The following KCNH7 variants were observed in gnomAD, a reference collection of about 807,000 sequenced individuals.
The protein encoded by KCNH7 is voltage-gated inwardly rectifying potassium channel KCNH7.
Under a neutral mutation model 120.8 loss-of-function variants are expected in KCNH7, and 49 were observed. The observed-to-expected ratio is 0.41, with a 90% CI of 0.32 to 0.51. The LOEUF (loss-of-function observed/expected upper bound fraction) is 0.51. Among genes scored for constraint, KCNH7 ranks in the 20% least tolerant of loss-of-function variants. The probability of loss-of-function intolerance (pLI) is 0.38; values close to 1 mark genes in which losing one functional copy is unlikely to be tolerated. For missense variants in KCNH7, 1,097 were observed against 1,446.6 expected (o/e 0.76, Z 3.92); for synonymous variants, 547 against 516.1 (o/e 1.06, Z -0.81).
intron 9 of KCNH7, among the ~76,000 whole-genome samples, chr2:162,417,741 T>C (rs1687582562): frequency 6.6e-6 from 1 of 152,104 alleles, no homozygotes; most frequent in Admixed American, 6.6e-5. Flanking sequence ...TGTAAATAAG[T>C]CCTCCTTGAT....
Position 162,647,671 on chromosome 2 carries a change from C to T in KCNH7, c.308-110591G>A, listed in dbSNP as rs112016542. ...CTCTCTTGCCTGCCACCATTTAAGA[C>T]GTGACTTTGCTCCTCATTTGCCTTC... is the stretch of plus-strand genomic sequence containing the variant. On this transcript the variant is annotated intron_variant, in intron 2 of 15. Transcript: ENST00000332142. 9.9e-3 allele frequency among the ~76,000 whole-genome samples: 1,501 copies of T among 152,216 alleles called. 5 individuals are homozygous for T. Among genetic ancestry groups the T allele is most frequent in the Non-Finnish European group, 0.011 (777 of 67,998 alleles).
chr2:162,592,726 T>C (rs990669818), intron 2 of KCNH7, among the ~76,000 whole-genome samples: 1 of 152,074 alleles, frequency 6.6e-6, no homozygotes, highest in Admixed American at 6.6e-5. Flanking sequence ...TTAAAATAAA[T>C]ATATAGTTTT....
chr2:162,757,954 G>A (rs906566473), intron 2 of KCNH7, among the ~76,000 whole-genome samples: 1 of 152,094 alleles, frequency 6.6e-6, no homozygotes, highest in African/African-American at 2.4e-5. Context: ...CTGTACTTGG[G>A]CAGAACCAAA....
chr2:162,747,615 G>A (rs1280302341), intron 2 of KCNH7, among the ~76,000 whole-genome samples: 1 of 152,134 alleles, frequency 6.6e-6, no homozygotes, highest in Non-Finnish European at 1.5e-5. Flanking sequence ...TAGTTCAAGA[G>A]GGTATAAGAC....
At chr2:162,661,224 G>T (rs749160059) in intron 2 of KCNH7, among the ~76,000 whole-genome samples, 1 of 152,036 alleles carries the variant, frequency 6.6e-6, no homozygotes, top group Admixed American at 6.6e-5. Context: ...AACTCTTTGG[G>T]TCTTCACCTG....
intron 2 of KCNH7, among the ~76,000 whole-genome samples, chr2:162,833,182 T>C (rs1685538737): frequency 6.6e-6 from 1 of 152,142 alleles, no homozygotes; most frequent in Non-Finnish European, 1.5e-5. Flanking sequence ...GTCACATTTG[T>C]AAATATGCCT....
In KCNH7 at chr2:162,511,425, C is replaced by A. The variant is rs182493535; in HGVS notation, c.913+1229G>T. Among the ~76,000 whole-genome samples the A allele has an allele frequency of 1.4e-4, 20 of 148,118 alleles. No individual in the cohort carries two copies. In the Admixed American group the frequency reaches 1.4e-3, roughly 10 times the overall value. On this transcript the variant is annotated intron_variant, in intron 5 of 15. Transcript: ENST00000332142. The stretch of plus-strand genomic sequence containing the variant: ...CATTCTGAATTATGTCAATGCAAAC[C>A]ACCACACACAGTTGACACTAATTTG...
At chr2:162,410,664 C>A (rs1186517968) in intron 9 of KCNH7, among the ~76,000 whole-genome samples, 1 of 151,896 alleles carries the variant, frequency 6.6e-6, no homozygotes, top group Non-Finnish European at 1.5e-5. Context: ...AACAGAAAAC[C>A]TACAGAATGG....
chr2:162,624,335 CCA>C (rs1683468740), intron 2 of KCNH7, among the ~76,000 whole-genome samples: 1 of 152,118 alleles, frequency 6.6e-6, no homozygotes, highest in Non-Finnish European at 1.5e-5. Flanking sequence ...TCAGGCCTAT[CCA>C]CAGTTTCATG....
intron 8 of KCNH7, among the ~76,000 whole-genome samples, chr2:162,428,174 A>G (rs1453958930): frequency 6.6e-6 from 1 of 151,962 alleles, no homozygotes; most frequent in African/African-American, 2.4e-5. Flanking sequence ...TAGGTGCCCT[A>G]TACAAATTTT....
chr2:162,488,952 T>C (rs1228570388), intron 6 of KCNH7, among the ~76,000 whole-genome samples: 3 of 152,232 alleles, frequency 2.0e-5, no homozygotes, highest in Non-Finnish European at 2.9e-5. Flanking sequence ...GGATTTCATA[T>C]AGATATGTTA....
At chr2:162,452,368 A>T (rs748525238) in intron 6 of KCNH7, among the ~76,000 whole-genome samples, 1 of 152,138 alleles carries the variant, frequency 6.6e-6, no homozygotes, top group African/African-American at 2.4e-5. Context: ...GTTTACAAAC[A>T]TCATAGAGGC....
chr2:162,388,060 A>G (rs568861861), intron 12 of KCNH7, among the ~76,000 whole-genome samples: 52 of 151,804 alleles, frequency 3.4e-4, no homozygotes, highest in Non-Finnish European at 7.4e-4. Context: ...AAATTATTAC[A>G]TTGGAAAATT....
intron 2 of KCNH7, among the ~76,000 whole-genome samples, chr2:162,661,697 A>G (rs952200770): frequency 6.6e-6 from 1 of 152,136 alleles, no homozygotes; most frequent in African/African-American, 2.4e-5. Context: ...ATTTTAGGTA[A>G]TGAAAATATC....
At chr2:162,635,491 C>T (rs1189831837) in intron 2 of KCNH7, among the ~76,000 whole-genome samples, 4 of 151,988 alleles carry the variant, frequency 2.6e-5, no homozygotes. Flanking sequence ...CCTCAAGAAT[C>T]TATGTGTTTA....
intron 2 of KCNH7, among the ~76,000 whole-genome samples, chr2:162,635,922 T>A (rs1012706640): frequency 3.3e-5 from 5 of 152,072 alleles, no homozygotes; most frequent in African/African-American, 1.2e-4. Context: ...CTATCAAATA[T>A]GCCTCCTTAG....
At chr2:162,700,020 A>G (rs1686437884) in intron 2 of KCNH7, among the ~76,000 whole-genome samples, 1 of 152,196 alleles carries the variant, frequency 6.6e-6, no homozygotes, top group South Asian at 2.1e-4. Context: ...GACTATGACC[A>G]GAATTTCAAG....
chr2:162,385,339 C>A (rs1344506752), intron 12 of KCNH7, among the ~76,000 whole-genome samples: 1 of 151,898 alleles, frequency 6.6e-6, no homozygotes, highest in Admixed American at 6.6e-5. Flanking sequence ...TTTTAATCTA[C>A]ATGCCCTATT....
chr2:162,815,815 G>A (rs1316428455), intron 2 of KCNH7, among the ~76,000 whole-genome samples: 1 of 152,150 alleles, frequency 6.6e-6, no homozygotes, highest in African/African-American at 2.4e-5. Flanking sequence ...CTTTCTTTCA[G>A]TCTTCCAACA....
Sources: gnomAD v4.1 joint callset for allele counts (sites outside exome capture counted in the v4.1 genomes callset) on GRCh38, gnomAD v4.1.1 for gene constraint, MANE v1.5 for transcripts, NCBI Gene and HGNC (gene_info 2026-07-23, HGNC 2026-07-21) for gene names.